KLF8: variants seen among roughly 807,000 people sequenced by gnomAD.
KLF8 encodes Krueppel-like factor 8.
In KLF8, 10 loss-of-function variants were observed where a neutral mutation model predicts 18.2. That is an observed-to-expected ratio of 0.55 (90% CI 0.34 to 0.93). The LOEUF (loss-of-function observed/expected upper bound fraction) is 0.93. Among genes scored for constraint, KLF8 ranks in the 40% least tolerant of loss-of-function variants. The probability of loss-of-function intolerance (pLI) is 0.02; values close to 1 mark genes in which losing one functional copy is unlikely to be tolerated. For missense variants in KLF8, 264 were observed against 277.9 expected, an observed-to-expected ratio of 0.95 and a Z score of 0.36; for synonymous variants, 109 against 97.3, an observed-to-expected ratio of 1.12 and a Z score of -0.71.
At chrX:56,199,930 A>G in the KLF8 span, among the ~76,000 whole-genome samples, 1 of 111,398 alleles carries the variant, frequency 9.0e-6, no homozygotes, top group Non-Finnish European at 1.9e-5. Flanking sequence ...TGTCCTTTGC[A>G]GAGACATGGA....
At chrX:56,064,292 T>A in the KLF8 span, among the ~76,000 whole-genome samples, 2 of 109,658 alleles carry the variant, frequency 1.8e-5, no homozygotes, top group African/African-American at 6.6e-5. Context: ...TTTTTGTCTT[T>A]TTGCCTTTTT....
the KLF8 span, among the ~76,000 whole-genome samples, chrX:55,944,558 G>A: frequency 9.0e-6 from 1 of 111,522 alleles, no homozygotes; most frequent in African/African-American, 3.3e-5. Context: ...GTTTAGTCTT[G>A]GCAGGGTGTA....
intron 1 of KLF8, among the ~76,000 whole-genome samples, chrX:56,245,674 A>C (rs2066613864): frequency 8.9e-6 from 1 of 112,348 alleles, no homozygotes; most frequent in African/African-American, 3.2e-5. Flanking sequence ...TATTACCTCA[A>C]GTTGGTAATT....
At chrX:55,996,765 G>A in the KLF8 span, among the ~76,000 whole-genome samples, 365 of 111,979 alleles carry the variant, frequency 3.3e-3, 1 homozygote, top group Non-Finnish European at 5.8e-3. Context: ...TGGTTTGCTG[G>A]CAAGAGCACT....
the KLF8 span, among the ~76,000 whole-genome samples, chrX:56,089,008 G>T: frequency 9.0e-6 from 1 of 111,273 alleles, no homozygotes; most frequent in African/African-American, 3.3e-5. Context: ...CTATTTCTAA[G>T]CATCATCTTT....
the KLF8 span, among the ~76,000 whole-genome samples, chrX:55,947,640 TA>T: frequency 2.7e-5 from 3 of 109,583 alleles, no homozygotes; most frequent in Non-Finnish European, 3.8e-5. Flanking sequence ...AGTATAGTAA[TA>T]AAAAAAATGC....
chrX:56,109,525 A>G, the KLF8 span, among the ~76,000 whole-genome samples: 2 of 111,040 alleles, frequency 1.8e-5, no homozygotes, highest in Non-Finnish European at 3.8e-5. Flanking sequence ...AGTGTTTTCC[A>G]TGTCCTCTCT....
At chrX:56,265,838 T>C in intron 3 of KLF8, 94 bp downstream of exon 3, 1 of 1,101,693 alleles carries the variant, frequency 9.1e-7, no homozygotes, top group East Asian at 3.2e-5. Flanking sequence ...CCTCCAATTA[T>C]TCTTGCACAC....
At chrX:55,952,777 C>G in the KLF8 span, among the ~76,000 whole-genome samples, 4 of 112,167 alleles carry the variant, frequency 3.6e-5, no homozygotes, top group Non-Finnish European at 1.9e-5. Flanking sequence ...GGTACTATGA[C>G]TGCTAATATT....
At chrX:56,166,943 C>A in the KLF8 span, among the ~76,000 whole-genome samples, 1 of 110,950 alleles carries the variant, frequency 9.0e-6, no homozygotes, top group Non-Finnish European at 1.9e-5. Context: ...TTCCTGCTTG[C>A]AATCAAGTGT....
the KLF8 span, among the ~76,000 whole-genome samples, chrX:56,039,492 T>A: frequency 8.9e-6 from 1 of 112,020 alleles, no homozygotes; most frequent in African/African-American, 3.2e-5. Flanking sequence ...CTTGTCTTTG[T>A]CAAGTTTGCC....
chrX:56,079,096 C>T, the KLF8 span, among the ~76,000 whole-genome samples: 2 of 111,054 alleles, frequency 1.8e-5, no homozygotes, highest in Non-Finnish European at 3.8e-5. Context: ...AAAACCAGCT[C>T]CTGGACTCAT....
the KLF8 span, among the ~76,000 whole-genome samples, chrX:56,104,136 G>T: frequency 6.3e-5 from 7 of 111,676 alleles, no homozygotes; most frequent in African/African-American, 2.0e-4. Context: ...TAGGAGTTTT[G>T]CATCAAGGTT....
At chrX:56,091,606 C>G in the KLF8 span, among the ~76,000 whole-genome samples, 1 of 111,188 alleles carries the variant, frequency 9.0e-6, no homozygotes, top group Admixed American at 9.5e-5. Flanking sequence ...AAGCAAATCT[C>G]CTGCCTCAGC....
chrX:55,960,175 T>C, the KLF8 span, among the ~76,000 whole-genome samples: 1 of 112,249 alleles, frequency 8.9e-6, no homozygotes, highest in Admixed American at 9.4e-5. Context: ...AAGATTCTTT[T>C]CATACAAGCA....
At chrX:56,123,275 G>GAA in the KLF8 span, among the ~76,000 whole-genome samples, 1 of 89,002 alleles carries the variant, frequency 1.1e-5, no homozygotes, top group African/African-American at 7.0e-5. Context: ...GAAAGAAAAA[G>GAA]AAAGAAAGAA....
chrX:56,046,779 C>G, the KLF8 span, among the ~76,000 whole-genome samples: 2 of 111,176 alleles, frequency 1.8e-5, no homozygotes, highest in African/African-American at 6.5e-5. Flanking sequence ...TTATAGGTTA[C>G]CTGATGCTTT....
the KLF8 span, among the ~76,000 whole-genome samples, chrX:56,153,196 A>C: frequency 9.0e-6 from 1 of 111,100 alleles, no homozygotes; most frequent in Non-Finnish European, 1.9e-5. Context: ...AAAAGAAATT[A>C]GGCTTAAGAG....
the KLF8 span, among the ~76,000 whole-genome samples, chrX:55,923,748 A>G: frequency 9.3e-6 from 1 of 107,354 alleles, no homozygotes; most frequent in Non-Finnish European, 1.9e-5. Flanking sequence ...GTGTGTGTAT[A>G]TCTGTATATA....
Sources: allele counts gnomAD v4.1 joint callset (sites outside exome capture counted in the v4.1 genomes callset), GRCh38; gene constraint gnomAD v4.1.1; transcripts MANE v1.5; gene names NCBI Gene and HGNC (gene_info 2026-07-23, HGNC 2026-07-21).